Variants in NCAM1 observed in about 807,000 individuals in gnomAD.
NCAM1 encodes the protein antigen recognized by monoclonal antibody 5.1H11.
A neutral mutation model predicts 109.8 loss-of-function variants in NCAM1; 14 were observed. The ratio of observed to expected loss-of-function variants is 0.13; its 90% CI spans 0.08 to 0.20. The LOEUF (loss-of-function observed/expected upper bound fraction) is 0.20, where lower values mean the gene tolerates loss of function less well. Ranked by LOEUF, NCAM1 falls within the 10% of genes least tolerant of loss-of-function variation. NCAM1 has a pLI of 1.00. For missense variants in NCAM1, 774 were observed against 1,109.9 expected (o/e 0.70, Z 4.30); for synonymous variants, 418 against 442.9 (o/e 0.94, Z 0.70).
chr11:113,271,962 A>C, intron 19 of NCAM1, 86 bp downstream of exon 19: 1 of 970,100 alleles, frequency 1.0e-6, no homozygotes, highest in Non-Finnish European at 1.5e-6. Flanking sequence ...CCGTGCCCCT[A>C]CCCACAGCTC....
At chr11:113,013,966 T>C (rs1442124891) in intron 1 of NCAM1, among the ~76,000 whole-genome samples, 1 of 152,218 alleles carries the variant, frequency 6.6e-6, no homozygotes, top group East Asian at 1.9e-4. Context: ...CAGATAAAAC[T>C]ACATTTCTTA....
chr11:113,192,249 C>T (rs1194231136), intron 1 of NCAM1, among the ~76,000 whole-genome samples: 1 of 150,658 alleles, frequency 6.6e-6, no homozygotes, highest in African/African-American at 2.4e-5. Flanking sequence ...CAGCCATTTA[C>T]TAAGAAGGCC....
chr11:113,109,306 C>G (rs559912349), intron 1 of NCAM1, among the ~76,000 whole-genome samples: 2 of 149,312 alleles, frequency 1.3e-5, no homozygotes, highest in Admixed American at 6.7e-5. Context: ...CAAGACAGTG[C>G]CACTGTACTC....
intron 1 of NCAM1, among the ~76,000 whole-genome samples, chr11:113,107,339 A>C (rs1940216872): frequency 1.3e-5 from 2 of 152,218 alleles, no homozygotes; most frequent in African/African-American, 4.8e-5. Flanking sequence ...ATTAAATGAA[A>C]TAATATGTGC....
At chr11:113,182,556 C>G (rs1591393798) in intron 1 of NCAM1, among the ~76,000 whole-genome samples, 1 of 152,238 alleles carries the variant, frequency 6.6e-6, no homozygotes, top group African/African-American at 2.4e-5. Flanking sequence ...TTCATTGCCA[C>G]TCTATGATGC....
chr11:113,215,239 A>G (rs1377890991), intron 8 of NCAM1, among the ~76,000 whole-genome samples: 2 of 152,218 alleles, frequency 1.3e-5, no homozygotes, highest in Admixed American at 1.3e-4. Flanking sequence ...GTGACCCCAC[A>G]TCATACAGCC....
rs529563096 is a variant in NCAM1 at position 113,184,051 on chromosome 11, A to C, written c.53-18328A>C. 2.9e-3 allele frequency among the ~76,000 whole-genome samples: 439 copies of C among 152,358 alleles called. 2 individuals are homozygous for C. Among genetic ancestry groups the C allele is most frequent in the African/African-American group, 9.9e-3 (412 of 41,582 alleles). On this transcript the variant is annotated intron_variant, in intron 1 of 19. Coordinates refer to ENST00000316851, the MANE Select transcript of NCAM1 (RefSeq NM_181351.5). ...ATCTGCACTTGTGCAGTGGCTATGAATTCCCAAATTCAAGGAAGAGCTAAC... is the reference window on the plus strand; with the variant it reads ...ATCTGCACTTGTGCAGTGGCTATGACTTCCCAAATTCAAGGAAGAGCTAAC...
At chr11:113,264,023 C>T (rs1946078392) in intron 17 of NCAM1, 1 of 985,250 alleles carries the variant, frequency 1.0e-6, no homozygotes, top group Admixed American at 6.2e-5. Flanking sequence ...GGGAGTTCAC[C>T]CAGGAGAGGA....
chr11:113,109,671 A>G (rs1035878509), intron 1 of NCAM1, among the ~76,000 whole-genome samples: 3 of 152,214 alleles, frequency 2.0e-5, no homozygotes, highest in African/African-American at 7.2e-5. Context: ...ATAAATAATG[A>G]ATCCAAGGTA....
At position 113,199,829 on chromosome 11, in the gene NCAM1, TAA is replaced by T. The variant is rs1555111558; in HGVS notation, c.53-2531_53-2530del. Among the ~76,000 whole-genome samples, 80 of 115,774 alleles carry T rather than the reference TAA, an allele frequency of 6.9e-4. 1 individual carries two copies. Among genetic ancestry groups the T allele is most frequent in the East Asian group, 1.6e-3 (6 of 3,860 alleles). 76.0% of individuals were successfully genotyped at this position (115,774 alleles called of 152,430 possible). On this transcript the variant is annotated intron_variant, in intron 1 of 19. Transcript: ENST00000316851. ...GCAAATAAAGTAAAAGAAACACCCT[TAA>T]AAAAAAAAAAAAAAAAAACTTCTGT...
intron 1 of NCAM1, among the ~76,000 whole-genome samples, chr11:112,987,227 C>T (rs1951331442): frequency 6.6e-6 from 1 of 151,974 alleles, no homozygotes; most frequent in South Asian, 2.1e-4. Flanking sequence ...TTTTTGATTT[C>T]TGGTTTCATG....
rs375010721 is a variant in NCAM1, at chr11:113,275,285, A to C, written c.2475A>C (p.Ala825=). ...TCTGCAGGAAGGGCCCCGTAGAAGC[A>C]AAGCCAGAGTGCCAGGAGACAGAAA... ...LTEPEKGPVE[A]KPECQETETK... Residue 825 remains alanine, a synonymous_variant, in exon 20 of 20, where the codon GCA becomes GCC. Coordinates refer to ENST00000316851, the MANE Select transcript of NCAM1 (RefSeq NM_181351.5). 3.6e-5 allele frequency: 58 copies of C among 1,613,710 alleles called. No individual in the cohort carries two copies. The highest frequency in any genetic ancestry group is 4.8e-5 in the Non-Finnish European group (57 of 1,179,842).
At chr11:113,026,333 C>T (rs782325629) in intron 1 of NCAM1, among the ~76,000 whole-genome samples, 4 of 152,246 alleles carry the variant, frequency 2.6e-5, no homozygotes, top group Non-Finnish European at 4.4e-5. Context: ...AAGTTAACGT[C>T]GCAGTTAAGA....
At chr11:113,077,091 C>T (rs1555086276) in intron 1 of NCAM1, among the ~76,000 whole-genome samples, 1 of 152,162 alleles carries the variant, frequency 6.6e-6, no homozygotes, top group Admixed American at 6.5e-5. Flanking sequence ...GTGCCAGGTA[C>T]TAGGGATGCT....
chr11:113,155,205 G>A (rs1942365408), intron 1 of NCAM1, among the ~76,000 whole-genome samples: 1 of 152,154 alleles, frequency 6.6e-6, no homozygotes, highest in African/African-American at 2.4e-5. Context: ...GTTGTATATT[G>A]GAATTTCAAT....
chr11:113,111,069 G>T (rs1318445575), intron 1 of NCAM1, among the ~76,000 whole-genome samples: 1 of 152,180 alleles, frequency 6.6e-6, no homozygotes, highest in African/African-American at 2.4e-5. Context: ...AACCTGCCCA[G>T]TGTCACACAA....
chr11:113,271,395 A>T (rs1946269519), intron 18 of NCAM1, among the ~76,000 whole-genome samples: 1 of 147,448 alleles, frequency 6.8e-6, no homozygotes, highest in South Asian at 2.1e-4. Context: ...AAAAAAAAAA[A>T]AGAAAAGGAA....
At chr11:112,989,858 C>G (rs989936368) in intron 1 of NCAM1, among the ~76,000 whole-genome samples, 3 of 152,176 alleles carry the variant, frequency 2.0e-5, no homozygotes, top group African/African-American at 7.2e-5. Flanking sequence ...TACTGTTCAT[C>G]AAGGTTACCT....
chr11:113,226,102 T>C (rs555872806), intron 9 of NCAM1, among the ~76,000 whole-genome samples: 9 of 152,170 alleles, frequency 5.9e-5, no homozygotes, highest in Non-Finnish European at 1.2e-4. Flanking sequence ...TAAATGTAAA[T>C]GGGCTAAATA....
Sources: allele counts gnomAD v4.1 joint callset (sites outside exome capture counted in the v4.1 genomes callset), GRCh38; gene constraint gnomAD v4.1.1; transcripts MANE v1.5; gene names NCBI Gene and HGNC (gene_info 2026-07-23, HGNC 2026-07-21).